Variants in GREB1 observed in about 807,000 individuals in gnomAD.
The protein encoded by GREB1 is growth regulating estrogen receptor binding 1, also known as protein GREB1.
In GREB1, 106 loss-of-function variants were observed where a neutral mutation model predicts 200.7. That is an observed-to-expected ratio of 0.53 (90% confidence interval 0.45 to 0.62). The LOEUF (loss-of-function observed/expected upper bound fraction) is 0.62. Among genes scored for constraint, GREB1 ranks in the 20% least tolerant of loss-of-function variants. The pLI, the probability that GREB1 is intolerant of heterozygous loss-of-function variation, is 0.00. For missense variants in GREB1, 2,243 were observed against 2,556.8 expected, an observed-to-expected ratio of 0.88 and a Z score of 2.65; for synonymous variants, 1,132 against 1,092.4, an observed-to-expected ratio of 1.04 and a Z score of -0.72.
chr2:11,587,741 A>ACACACACACACACACACACACACACACG, intron 9 of GREB1: 1 of 772,874 alleles, frequency 1.3e-6, no homozygotes, highest in Admixed American at 5.9e-5. Flanking sequence ...ACACACACAC[A>ACACACACACACACACACACACACACACG]CGCCACCTTT....
chr2:11,630,223 A>G, intron 26 of GREB1, 114 bp downstream of exon 26: 1 of 987,372 alleles, frequency 1.0e-6, no homozygotes, highest in Non-Finnish European at 1.5e-6. Context: ...ACAGGGACTG[A>G]ACTTGGAGGA....
At chr2:11,606,005 T>C (rs1265845844) in intron 17 of GREB1, among the ~76,000 whole-genome samples, 1 of 152,206 alleles carries the variant, frequency 6.6e-6, no homozygotes, top group African/African-American at 2.4e-5. Context: ...AGGTGTATGT[T>C]TAACTTTTTC....
rs199745686 is a variant in GREB1, at chr2:11,618,366, G to A, written c.3491G>A (p.Arg1164His). The part of the protein sequence containing the change: ...QGEHARSPQP[R>H]GPAEEGRAPG... ...GAGCATGCCAGGTCGCCCCAGCCCC[G>A]TGGCCCCGCAGAGGAGGGCAGAGCC... The change falls in exon 22 of 33, where the codon CGT (arginine) becomes CAT (histidine). Residue 1164 changes from arginine to histidine, a missense_variant. Around this residue, in one of 3 missense-constraint regions of GREB1, gnomAD observed 587 missense variants for 553.1 expected, o/e 1.06. Transcript: ENST00000381486. 1,111 of 1,610,628 alleles carry A rather than the reference G, an allele frequency of 6.9e-4. 3 individuals are homozygous for A. The highest frequency in any genetic ancestry group is 8.7e-4 in the Non-Finnish European group (1,027 of 1,178,564).
intron 1 of GREB1, among the ~76,000 whole-genome samples, chr2:11,518,073 G>A (rs903253073): frequency 1.3e-5 from 2 of 152,122 alleles, no homozygotes; most frequent in Non-Finnish European, 2.9e-5. Flanking sequence ...TATTCCTCAA[G>A]AGCAAAGGAA....
chr2:11,641,467 G>GGTTTT lies in GREB1; in HGVS notation c.*1044_*1048dup, dbSNP rs10639159. 0.21 allele frequency: 30,990 copies of GGTTTT among 147,774 alleles called. 3,622 individuals are homozygous for GGTTTT. The highest frequency in any genetic ancestry group is 0.27 in the Non-Finnish European group (18,236 of 67,214). 9.2% of individuals were successfully genotyped at this position (147,774 alleles called of 1,614,324 possible). On this transcript the variant is annotated 3_prime_UTR_variant, in exon 33 of 33. Coordinates refer to ENST00000381486, the MANE Select transcript of GREB1 (RefSeq NM_014668.4). ...TCACCCCTTCACAGACTGACAGAAT[G>GGTTTT]GTTTTGTTTTGTTTTGTTTTGTTTT...
chr2:11,596,814 G>C (rs566058210), intron 13 of GREB1, among the ~76,000 whole-genome samples: 5 of 132,586 alleles, frequency 3.8e-5, no homozygotes, highest in African/African-American at 1.5e-4. Context: ...CAGGGGGCAG[G>C]ATTGCAGGTG....
At chr2:11,546,132 G>A (rs975327494) in intron 1 of GREB1, among the ~76,000 whole-genome samples, 13 of 152,062 alleles carry the variant, frequency 8.5e-5, no homozygotes, top group African/African-American at 2.4e-4. Context: ...AGCTGAGATC[G>A]TGCCACTGAA....
intron 1 of GREB1, among the ~76,000 whole-genome samples, chr2:11,541,508 C>T (rs974665353): frequency 1.3e-5 from 2 of 152,104 alleles, no homozygotes; most frequent in East Asian, 1.9e-4. Flanking sequence ...TTCAGACCCC[C>T]ATGCACTACT....
chr2:11,557,024 C>T (rs1014369915), intron 2 of GREB1, among the ~76,000 whole-genome samples: 3 of 152,154 alleles, frequency 2.0e-5, no homozygotes, highest in Non-Finnish European at 4.4e-5. Flanking sequence ...TGTTCTCAAT[C>T]GGTTGTTACT....
In GREB1 at chr2:11,485,259, T is replaced by TTATTTTATTTTA. The variant is rs1368326346; in HGVS notation, c.-159+2881_-159+2882insTTTATTTTATAT. On this transcript the variant is annotated intron_variant, in intron 1 of 2. Coordinates refer to the GREB1 transcript ENST00000628795. ...AACATTTATTTTATTTTATTTTATT[T>TTATTTTATTTTA]TATATATATATATGTATTTTTTTTT... Among the ~76,000 whole-genome samples, 97 of 124,180 alleles carry TTATTTTATTTTA rather than the reference T, an allele frequency of 7.8e-4. 1 individual carries two copies. Among genetic ancestry groups the TTATTTTATTTTA allele is most frequent in the African/African-American group, 3.1e-3 (95 of 30,698 alleles). 81.5% of individuals were successfully genotyped at this position (124,180 alleles called of 152,430 possible). A position where few individuals can be genotyped will look rare whatever the true frequency, so the allele number is the denominator to read the frequency against.
chr2:11,628,746 G>C (rs6718783), intron 25 of GREB1, among the ~76,000 whole-genome samples: 2 of 152,090 alleles, frequency 1.3e-5, no homozygotes, highest in African/African-American at 4.8e-5. Context: ...TCAGGAGTGG[G>C]TAGTGCCATC....
At position 11,569,843 on chromosome 2, in the gene GREB1, A is replaced by G. The variant is rs182241731; in HGVS notation, c.454+3187A>G. 3.5e-3 allele frequency among the ~76,000 whole-genome samples: 526 copies of G among 152,212 alleles called. 3 individuals carry two copies. The highest frequency in any genetic ancestry group is 0.012 in the African/African-American group (496 of 41,544). On this transcript the variant is annotated intron_variant, in intron 4 of 32. Transcript: ENST00000381486. Reference sequence around the variant, plus strand: ...CGTGGCACACTGGAGAGGTGGCGAGAGTGCTCTGTGGCTGGAGCGGAGGCT... The same window carrying G: ...CGTGGCACACTGGAGAGGTGGCGAGGGTGCTCTGTGGCTGGAGCGGAGGCT...
intron 1 of GREB1, among the ~76,000 whole-genome samples, chr2:11,547,671 T>C (rs1337765107): frequency 6.6e-6 from 1 of 152,220 alleles, no homozygotes; most frequent in Non-Finnish European, 1.5e-5. Flanking sequence ...CCTATTTCTA[T>C]CCCAATTCCT....
rs771607772 is a variant in GREB1 at position 11,602,442 on chromosome 2, G to A, written c.2566G>A (p.Gly856Arg). 5.6e-6 allele frequency: 9 copies of A among 1,613,026 alleles called. No homozygotes were observed. In the African/African-American group the frequency reaches 6.7e-5, roughly 12 times the overall value. ...DLYHENKKYF[G>R]LSEFIESTLS... ...ATATCATGAAAATAAGAAGTACTTC[G>A]GGCTGTCGGAGTTTATTGAATCCAC... is the stretch of plus-strand genomic sequence containing the variant. Residue 856 changes from glycine (G) to arginine (R), a missense_variant, in exon 17 of 33, where the codon GGG becomes AGG. Gly to Arg is a moderately radical substitution (Grantham distance 125, BLOSUM62 -2). This residue lies in a region of GREB1 where 1,178 missense variants were observed against 1,387.4 expected (regional missense o/e 0.85). Transcript: ENST00000381486.
chr2:11,566,096 G>A (rs182362495), intron 3 of GREB1, among the ~76,000 whole-genome samples: 1 of 152,130 alleles, frequency 6.6e-6, no homozygotes, highest in Admixed American at 6.5e-5. Context: ...TCAGCTCACT[G>A]CAACCTCTGC....
chr2:11,609,073 T>C (rs1016089020), intron 17 of GREB1, among the ~76,000 whole-genome samples: 1 of 152,184 alleles, frequency 6.6e-6, no homozygotes, highest in Non-Finnish European at 1.5e-5. Context: ...TGATGTCCCA[T>C]GTATTGAAAT....
intron 1 of GREB1, among the ~76,000 whole-genome samples, chr2:11,503,948 C>T (rs908649627): frequency 3.3e-5 from 5 of 152,004 alleles, no homozygotes; most frequent in African/African-American, 7.2e-5. Context: ...TGTGTTTCTT[C>T]GTATACATAC....
rs1684768263 is a variant in GREB1 at position 11,630,127 on chromosome 2, T to C, written c.4611+18T>C. On this transcript the variant is annotated intron_variant, in intron 26 of 32. Coordinates refer to ENST00000381486, the MANE Select transcript of GREB1 (RefSeq NM_014668.4). Reference sequence around the variant, plus strand: ...CAGACAAGGTACTGGCTCAGAGACCTAGTGGGACAGATCCAAGTGGCTTCA... The same window carrying C: ...CAGACAAGGTACTGGCTCAGAGACCCAGTGGGACAGATCCAAGTGGCTTCA... 6.2e-7 allele frequency: 1 copy of C among 1,613,348 alleles called. No homozygotes were observed. The highest frequency in any genetic ancestry group is 2.2e-5 in the East Asian group (1 of 44,878).
intron 1 of GREB1, among the ~76,000 whole-genome samples, chr2:11,538,996 CCTCCTTT>C (rs1236345955): frequency 6.6e-5 from 8 of 120,534 alleles, no homozygotes; most frequent in African/African-American, 1.8e-4. Context: ...CCTCTCTTCT[CCTCCTTT>C]CTCCCTTCTC....
Sources: allele counts gnomAD v4.1 joint callset (sites outside exome capture counted in the v4.1 genomes callset), GRCh38; gene constraint gnomAD v4.1.1; regional missense constraint gnomAD v4.1.1; transcripts MANE v1.5; gene names NCBI Gene and HGNC (gene_info 2026-07-23, HGNC 2026-07-21).